PDE3A: variants seen among roughly 807,000 people sequenced by gnomAD.
The protein encoded by PDE3A is cGMP-inhibited 3',5'-cyclic phosphodiesterase 3A.
A neutral mutation model predicts 98.3 loss-of-function variants in PDE3A; 43 were observed. The ratio of observed to expected loss-of-function variants is 0.44; its 90% confidence interval spans 0.34 to 0.56. The LOEUF is 0.56. Ranked by LOEUF, PDE3A falls within the 20% of genes least tolerant of loss-of-function variation. The pLI is 0.01. For missense variants in PDE3A, 1,427 were observed against 1,440.7 expected, an observed-to-expected ratio of 0.99 and a Z score of 0.15; for synonymous variants, 663 against 567.9, an observed-to-expected ratio of 1.17 and a Z score of -2.38.
At chr12:20,599,931 C>T (rs1192493224) in intron 2 of PDE3A, among the ~76,000 whole-genome samples, 1 of 152,304 alleles carries the variant, frequency 6.6e-6, no homozygotes, top group Non-Finnish European at 1.5e-5. Flanking sequence ...AAATACTAAA[C>T]TCATAAACAT....
chr12:20,394,111 A>G (rs1027904510), intron 1 of PDE3A, among the ~76,000 whole-genome samples: 3 of 152,120 alleles, frequency 2.0e-5, no homozygotes, highest in African/African-American at 4.8e-5. Flanking sequence ...AATATAGTGT[A>G]GAGGAAGGGC....
intron 1 of PDE3A, among the ~76,000 whole-genome samples, chr12:20,473,423 A>T (rs777793795): frequency 8.5e-5 from 13 of 152,178 alleles, no homozygotes; most frequent in Non-Finnish European, 1.6e-4. Flanking sequence ...ACTGGATTGG[A>T]AGAGACAACT....
intron 2 of PDE3A, among the ~76,000 whole-genome samples, chr12:20,558,638 T>TA (rs1369639127): frequency 6.6e-6 from 1 of 151,516 alleles, no homozygotes; most frequent in Non-Finnish European, 1.5e-5. Context: ...TTCAGGTAGA[T>TA]AAATTAAGTC....
At chr12:20,507,497 T>G (rs1276307294) in intron 1 of PDE3A, among the ~76,000 whole-genome samples, 2 of 152,076 alleles carry the variant, frequency 1.3e-5, no homozygotes, top group African/African-American at 4.8e-5. Context: ...ACTCCTAAGT[T>G]CATATCGACA....
At chr12:20,386,049 T>C (rs1253915742) in intron 1 of PDE3A, among the ~76,000 whole-genome samples, 1 of 49,288 alleles carries the variant, frequency 2.0e-5, no homozygotes, top group Non-Finnish European at 3.7e-5. Context: ...AAAATATATA[T>C]AAATATATAT....
In PDE3A at chr12:20,571,860, C is replaced by T. The variant is rs554293046; in HGVS notation, c.1011+15150C>T. 9.1e-5 allele frequency: 90 copies of T among 990,294 alleles called. 2 individuals carry two copies. The South Asian group carries it at 3.5e-3, about 39-fold the overall frequency. The allele number at this position is 990,294 out of a possible 1,614,324, so 61.3% of individuals were successfully genotyped here. A position where few individuals can be genotyped will look rare whatever the true frequency, so the allele number is the denominator to read the frequency against. On this transcript the variant is annotated intron_variant, in intron 2 of 15. Coordinates refer to ENST00000359062, the MANE Select transcript of PDE3A (RefSeq NM_000921.5). ...TAAAGCTTCTAGTATCCAAGTAGTA[C>T]TTCATTTGACTCTCCAATAGTGATT...
intron 1 of PDE3A, among the ~76,000 whole-genome samples, chr12:20,378,291 C>G (rs956005531): frequency 2.0e-5 from 3 of 151,726 alleles, no homozygotes; most frequent in Non-Finnish European, 4.4e-5. Flanking sequence ...TCCTCTCCAT[C>G]ACCTTTCCTT....
chr12:20,476,798 C>T (rs1370066797), intron 1 of PDE3A, among the ~76,000 whole-genome samples: 5 of 152,128 alleles, frequency 3.3e-5, no homozygotes, highest in African/African-American at 1.2e-4. Flanking sequence ...AAATTATAAC[C>T]CTTGGCAAAT....
At chr12:20,393,163 T>C (rs542220121) in intron 1 of PDE3A, among the ~76,000 whole-genome samples, 44 of 152,096 alleles carry the variant, frequency 2.9e-4, no homozygotes, top group African/African-American at 9.9e-4. Flanking sequence ...TCACGCTGCC[T>C]ATAAAGACAT....
At chr12:20,412,548 CGACA>C (rs1001338300) in intron 1 of PDE3A, among the ~76,000 whole-genome samples, 3 of 151,912 alleles carry the variant, frequency 2.0e-5, no homozygotes, top group African/African-American at 4.8e-5. Flanking sequence ...AGTGAAAAAC[CGACA>C]GACAGACAAA....
At position 20,428,303 on chromosome 12, in the gene PDE3A, G is replaced by A. The variant is rs1157693309; in HGVS notation, c.960+58059G>A. ...TTAGTAGTAGTAGTATTTTTGAGAC[G>A]GAGTCTCGCTCTGTCGCCCAGGCTG... On this transcript the variant is annotated intron_variant, in intron 1 of 15. Transcript: ENST00000359062. Among the ~76,000 whole-genome samples the A allele has an allele frequency of 2.6e-5, 4 of 151,984 alleles. No homozygotes were observed. In the East Asian group the frequency reaches 7.7e-4, roughly 29 times the overall value.
chr12:20,668,766 A>C (rs1945390165), intron 15 of PDE3A, among the ~76,000 whole-genome samples: 1 of 151,390 alleles, frequency 6.6e-6, no homozygotes, highest in Non-Finnish European at 1.5e-5. Context: ...GAACAGAAAA[A>C]CTGGAAACTC....
intron 1 of PDE3A, among the ~76,000 whole-genome samples, chr12:20,487,105 G>C (rs1406239247): frequency 6.6e-6 from 1 of 152,118 alleles, no homozygotes; most frequent in Non-Finnish European, 1.5e-5. Context: ...TATGTGAAGA[G>C]AAGTACTTAA....
rs570475960 is a variant in PDE3A at position 20,687,426 on chromosome 12, T to C, written c.*7155T>C. Among the ~76,000 whole-genome samples the C allele has an allele frequency of 1.3e-5, 2 of 152,200 alleles. No homozygotes were observed. Among genetic ancestry groups the C allele is most frequent in the East Asian group, 3.9e-4 (2 of 5,180 alleles). ...CTTAATACATATTTGTTCATCAGCT[T>C]AAAAAATCACTAAATTTTTTATACT... On this transcript the variant is annotated 3_prime_UTR_variant, in exon 16 of 16. Transcript: ENST00000359062.
intron 1 of PDE3A, among the ~76,000 whole-genome samples, chr12:20,498,515 T>G (rs939135196): frequency 1.3e-5 from 2 of 152,176 alleles, no homozygotes; most frequent in African/African-American, 2.4e-5. Flanking sequence ...AGAGATGATT[T>G]AAAGTGAACG....
At chr12:20,480,988 A>C (rs1385422556) in intron 1 of PDE3A, among the ~76,000 whole-genome samples, 6 of 152,194 alleles carry the variant, frequency 3.9e-5, no homozygotes, top group African/African-American at 1.4e-4. Context: ...ATGTTCATCA[A>C]TTGTGGTGGT....
chr12:20,614,375 G>C (rs1943948079), intron 3 of PDE3A, among the ~76,000 whole-genome samples: 1 of 152,080 alleles, frequency 6.6e-6, no homozygotes, highest in Admixed American at 6.6e-5. Context: ...TCATATTAAA[G>C]ACAAATCAGT....
chr12:20,613,334 C>T (rs1358600267), intron 2 of PDE3A, 109 bp from the exon 3 acceptor site: 1 of 1,002,200 alleles, frequency 1.0e-6, no homozygotes, highest in Admixed American at 2.0e-5. Flanking sequence ...GTACTGAAAT[C>T]CTAAAGAATC....
At chr12:20,646,408 C>T in intron 10 of PDE3A, 82 bp from the exon 11 acceptor site, 1 of 783,722 alleles carries the variant, frequency 1.3e-6, no homozygotes. Flanking sequence ...TAGGACTAAA[C>T]TGTTTGTCCA....
Sources: gnomAD v4.1 joint callset for allele counts (sites outside exome capture counted in the v4.1 genomes callset) on GRCh38, gnomAD v4.1.1 for gene constraint, MANE v1.5 for transcripts, NCBI Gene and HGNC (gene_info 2026-07-23, HGNC 2026-07-21) for gene names.